ARL15: variants seen among roughly 807,000 people sequenced by gnomAD.
ARL15 encodes the protein ADP-ribosylation factor-like protein 15.
ARL15 carries 19 observed loss-of-function variants against 25.2 expected under a neutral mutation model. The observed-to-expected ratio is 0.75, with a 90% CI of 0.53 to 1.10. The LOEUF is 1.10. ARL15 is among the 50% of genes least tolerant of loss of function. The probability of loss-of-function intolerance (pLI) is 0.00; values close to 1 mark genes in which losing one functional copy is unlikely to be tolerated. For missense variants in ARL15, 220 were observed against 246.0 expected (o/e 0.89, Z 0.71); for synonymous variants, 94 against 86.8 (o/e 1.08, Z -0.46).
intron 1 of ARL15, among the ~76,000 whole-genome samples, chr5:54,249,086 C>A (rs1202476093): frequency 6.6e-6 from 1 of 151,698 alleles, no homozygotes; most frequent in Non-Finnish European, 1.5e-5. Context: ...GGAAAAGAAG[C>A]CAGTGGAGGA....
At chr5:54,296,358 T>C (rs1170934692) in intron 1 of ARL15, among the ~76,000 whole-genome samples, 2 of 152,186 alleles carry the variant, frequency 1.3e-5, no homozygotes, top group Non-Finnish European at 2.9e-5. Context: ...TTCTGCGAGG[T>C]AGGTATTTAA....
At chr5:53,896,982 C>G (rs271205) in intron 4 of ARL15, among the ~76,000 whole-genome samples, 1 of 152,002 alleles carries the variant, frequency 6.6e-6, no homozygotes, top group African/African-American at 2.4e-5. Context: ...ATACTCCCAC[C>G]TAAGATTCTA....
intron 1 of ARL15, among the ~76,000 whole-genome samples, chr5:54,274,331 C>T (rs939213533): frequency 4.6e-5 from 7 of 152,140 alleles, no homozygotes; most frequent in African/African-American, 1.7e-4. Flanking sequence ...CTGCATTCCC[C>T]AGAATAAAAC....
chr5:54,225,446 CAAG>C (rs927782175), intron 1 of ARL15, among the ~76,000 whole-genome samples: 7 of 152,058 alleles, frequency 4.6e-5, no homozygotes, highest in African/African-American at 1.2e-4. Context: ...TGCCGACTTG[CAAG>C]AAGAGTCCCA....
intron 4 of ARL15, among the ~76,000 whole-genome samples, chr5:53,940,174 C>T (rs143753443): frequency 0.067 from 10,126 of 152,016 alleles, 404 homozygotes; most frequent in Non-Finnish European, 0.094. Context: ...GGGGTTTCAC[C>T]GTGTTAGCCA....
chr5:54,216,969 G>GT, intron 1 of ARL15, among the ~76,000 whole-genome samples: 1 of 152,058 alleles, frequency 6.6e-6, no homozygotes, highest in East Asian at 1.9e-4. Context: ...TTACATTTTA[G>GT]TTTTTTAAAT....
chr5:53,987,284 G>A (rs899029134), intron 4 of ARL15, among the ~76,000 whole-genome samples: 6 of 152,024 alleles, frequency 3.9e-5, no homozygotes, highest in African/African-American at 1.4e-4. Context: ...TATGTAGCCA[G>A]GCTGACAAAC....
At chr5:54,053,920 G>T (rs1750776766) in intron 4 of ARL15, among the ~76,000 whole-genome samples, 1 of 152,184 alleles carries the variant, frequency 6.6e-6, no homozygotes, top group Non-Finnish European at 1.5e-5. Flanking sequence ...TATAAGCAAT[G>T]TATCAGTATT....
At chr5:54,086,657 T>G (rs1243733561) in intron 4 of ARL15, among the ~76,000 whole-genome samples, 2 of 152,112 alleles carry the variant, frequency 1.3e-5, no homozygotes, top group African/African-American at 4.8e-5. Flanking sequence ...TAACAAATAC[T>G]CTATGAAACA....
At chr5:53,901,982 C>T (rs1745082011) in intron 4 of ARL15, among the ~76,000 whole-genome samples, 1 of 152,162 alleles carries the variant, frequency 6.6e-6, no homozygotes, top group Non-Finnish European at 1.5e-5. Context: ...GAGGAAGAAG[C>T]CCCTGAGCCT....
In ARL15 at chr5:54,073,034, CT is replaced by C. The variant is rs555844980; in HGVS notation, c.462+40167del. On this transcript the variant is annotated intron_variant, in intron 4 of 4. Transcript: ENST00000504924. ...TTAAAGCCAAATTGGTTATGCATTA[CT>C]TTTTGAGAAGTTGTTAAAACTTAAA... Among the ~76,000 whole-genome samples the C allele has an allele frequency of 1.1e-3, 169 of 152,268 alleles. 1 individual carries two copies. Among genetic ancestry groups the C allele is most frequent in the African/African-American group, 3.8e-3 (156 of 41,560 alleles).
intron 4 of ARL15, among the ~76,000 whole-genome samples, chr5:53,948,270 C>T (rs1426867455): frequency 6.6e-6 from 1 of 152,170 alleles, no homozygotes; most frequent in East Asian, 1.9e-4. Context: ...TAGTAGGTTC[C>T]TTAACAAATA....
intron 4 of ARL15, among the ~76,000 whole-genome samples, chr5:54,029,443 T>A (rs1047285031): frequency 6.7e-6 from 1 of 148,400 alleles, no homozygotes; most frequent in Admixed American, 6.8e-5. Flanking sequence ...CAATCTCAAT[T>A]TGCAAGTATT....
intron 4 of ARL15, among the ~76,000 whole-genome samples, chr5:53,912,515 G>A (rs1270838610): frequency 1.3e-5 from 2 of 152,178 alleles, no homozygotes; most frequent in African/African-American, 4.8e-5. Context: ...CACATCAGCA[G>A]CTACTCCTTG....
intron 4 of ARL15, among the ~76,000 whole-genome samples, chr5:54,023,229 A>C (rs1485821770): frequency 6.6e-6 from 1 of 152,154 alleles, no homozygotes; most frequent in African/African-American, 2.4e-5. Context: ...ATGTTGACAC[A>C]AATAGGCTGT....
chr5:54,222,942 C>T (rs995031515), intron 1 of ARL15, among the ~76,000 whole-genome samples: 1 of 151,852 alleles, frequency 6.6e-6, no homozygotes, highest in African/African-American at 2.4e-5. Flanking sequence ...GCCTCAGCCT[C>T]CCGAGCAGCC....
chr5:53,975,636 G>A (rs1184953876), intron 4 of ARL15, among the ~76,000 whole-genome samples: 3 of 152,192 alleles, frequency 2.0e-5, no homozygotes, highest in African/African-American at 7.2e-5. Flanking sequence ...AGGCCCATGG[G>A]GCGTGGCAAT....
intron 1 of ARL15, among the ~76,000 whole-genome samples, chr5:54,181,188 A>C (rs1380196186): frequency 6.6e-6 from 1 of 152,192 alleles, no homozygotes; most frequent in Non-Finnish European, 1.5e-5. Context: ...TTTTTCTTTT[A>C]CTAGGAAAGA....
chr5:54,206,257 A>G (rs188157362), intron 1 of ARL15, among the ~76,000 whole-genome samples: 5 of 152,288 alleles, frequency 3.3e-5, no homozygotes, highest in Admixed American at 2.0e-4. Context: ...AGTAGGATCA[A>G]CCTTCTGAGT....
Sources: gnomAD v4.1 joint callset for allele counts (sites outside exome capture counted in the v4.1 genomes callset) on GRCh38, gnomAD v4.1.1 for gene constraint, MANE v1.5 for transcripts, NCBI Gene and HGNC (gene_info 2026-07-23, HGNC 2026-07-21) for gene names.